BRPF3: variants seen among roughly 807,000 people sequenced by gnomAD.
BRPF3 encodes the protein bromodomain and PHD finger containing 3, also known as bromodomain and PHD finger-containing protein 3.
Under a neutral mutation model 102.0 loss-of-function variants are expected in BRPF3, and 18 were observed. The ratio of observed to expected loss-of-function variants is 0.18; its 90% CI spans 0.12 to 0.26. The LOEUF (loss-of-function observed/expected upper bound fraction) is 0.26. BRPF3 is among the 10% of genes least tolerant of loss of function. The pLI is 1.00. For missense variants in BRPF3, 1,147 were observed against 1,567.8 expected, an observed-to-expected ratio of 0.73 and a Z score of 4.53; for synonymous variants, 570 against 614.2, an observed-to-expected ratio of 0.93 and a Z score of 1.06.
Position 36,210,607 on chromosome 6 carries a change from G to T in BRPF3, c.2179+79G>T. On this transcript the variant is annotated intron_variant, in intron 6 of 12. Coordinates refer to ENST00000357641, the MANE Select transcript of BRPF3 (RefSeq NM_015695.3). This position sits in a 1 kb window ranked among gnomAD's most constrained non-coding sequence, Gnocchi z 4.7. ...AGAGTCTACAGAGTGAGGGATCAGGGTGGTCCTTGGGGCTATAGGTAGACT... is the reference window on the plus strand; with the variant it reads ...AGAGTCTACAGAGTGAGGGATCAGGTTGGTCCTTGGGGCTATAGGTAGACT... 7.1e-7 allele frequency: 1 copy of T among 1,399,846 alleles called. No homozygotes were observed. Among genetic ancestry groups the T allele is most frequent in the Non-Finnish European group, 9.6e-7 (1 of 1,041,606 alleles). 86.7% of individuals were successfully genotyped at this position (1,399,846 alleles called of 1,614,324 possible).
In BRPF3 at chr6:36,230,776, C is replaced by G; in HGVS notation, c.*167C>G. 2.3e-6 allele frequency: 2 copies of G among 854,520 alleles called. No individual in the cohort carries two copies. The highest frequency in any genetic ancestry group is 3.5e-6 in the Non-Finnish European group (2 of 565,164). 52.9% of individuals were successfully genotyped at this position (854,520 alleles called of 1,614,324 possible). A position where few individuals can be genotyped will look rare whatever the true frequency, so the allele number is the denominator to read the frequency against. ...GCAAGGCCCCAGTTTTGACCAATCG[C>G]ATGGTTCTCCTGGCAGGCCTGCTGT... is the stretch of plus-strand genomic sequence containing the variant. On this transcript the variant is annotated 3_prime_UTR_variant, in exon 13 of 13. Coordinates refer to ENST00000357641, the MANE Select transcript of BRPF3 (RefSeq NM_015695.3). This position sits in a 1 kb window ranked among gnomAD's most constrained non-coding sequence, Gnocchi z 5.4.
At chr6:36,213,758 G>C in intron 7 of BRPF3, 122 bp from the exon 8 acceptor site, 1 of 962,914 alleles carries the variant, frequency 1.0e-6, no homozygotes, top group East Asian at 2.4e-5. Context: ...CTAAGACCTT[G>C]AATGCATCTC....
intron 10 of BRPF3, among the ~76,000 whole-genome samples, chr6:36,224,065 A>T (rs1479842632): frequency 6.6e-6 from 1 of 152,200 alleles, no homozygotes; most frequent in Non-Finnish European, 1.5e-5. Flanking sequence ...ATACATTTTT[A>T]AAAATTACAA....
At chr6:36,229,078 G>T in intron 12 of BRPF3, 22 bp downstream of exon 12, 1 of 1,610,956 alleles carries the variant, frequency 6.2e-7, no homozygotes, top group Non-Finnish European at 8.5e-7. Flanking sequence ...CTGCTGTGAG[G>T]GGGCTGAGGG....
chr6:36,209,915 G>A lies in BRPF3; in HGVS notation c.1866G>A (p.Glu622=), dbSNP rs368290731. ...TCGCAGAACCAGTCAACTTGAGTGA[G>A]GCAAGTTCCCCCTACTTTCCAAGTA... ...HIFAEPVNLS[E]VPDYLEFISK... The change falls in exon 5 of 13, where the codon GAG becomes GAA. Residue 622 remains glutamate (E), a splice_region_variant and synonymous_variant. Transcript: ENST00000357641. 2.5e-6 allele frequency: 4 copies of A among 1,613,814 alleles called. No individual in the cohort carries two copies. The highest frequency in any genetic ancestry group is 3.4e-6 in the Non-Finnish European group (4 of 1,179,910).
Position 36,200,847 on chromosome 6 carries a change from G to A in BRPF3, c.525G>A (p.Gly175=), listed in dbSNP as rs1270811057. The A allele has an allele frequency of 1.9e-6, 3 of 1,614,186 alleles. No homozygotes were observed. Among genetic ancestry groups the A allele is most frequent in the African/African-American group, 2.7e-5 (2 of 75,030 alleles). The change falls in exon 2 of 13, where the codon GGG becomes GGA. Residue 175 remains glycine, a synonymous_variant. Transcript: ENST00000357641. The surrounding 1 kb of genome is among the most constrained non-coding windows in gnomAD (Gnocchi z 5.3). ...DMVNEKRRVD[G]HSLVSADTFE... is the part of the protein sequence containing the mutation. ...TGAATGAAAAACGGCGAGTAGATGG[G>A]CACAGTTTGGTGTCTGCAGATACCT...
intron 10 of BRPF3, among the ~76,000 whole-genome samples, chr6:36,223,249 A>G (rs548552094): frequency 6.6e-6 from 1 of 152,102 alleles, no homozygotes; most frequent in African/African-American, 2.4e-5. Context: ...CAACTGCTTT[A>G]TTTTCCCTTA....
chr6:36,204,790 G>T lies in BRPF3; in HGVS notation c.1581G>T (p.Leu527=). The T allele has an allele frequency of 6.2e-7, 1 of 1,614,184 alleles. No individual in the cohort carries two copies. The highest frequency in any genetic ancestry group is 8.5e-7 in the Non-Finnish European group (1 of 1,180,008). ...VPLIRRLHSH[L]QSQRNAEQRE... ...TTATCCGGCGCTTGCACTCCCATCT[G>T]CAGTCCCAAAGAAACGCTGAGCAGG... Residue 527 remains leucine, a synonymous_variant, in exon 3 of 13, where the codon CTG becomes CTT. Transcript: ENST00000357641.
chr6:36,201,500 C>G lies in BRPF3; in HGVS notation c.1178C>G (p.Thr393Ser), dbSNP rs571016734. 43 of 1,614,164 alleles carry G rather than the reference C, an allele frequency of 2.7e-5. 1 individual carries two copies. The South Asian group carries it at 4.6e-4, about 17-fold the overall frequency. ...GCCCACTCGCCACCAGGTGCGGCCA[C>G]TGCTAGGAGGAAGGGCGACTCCCCT... is the stretch of plus-strand genomic sequence containing the variant. ...CEAHSPPGAA[T>S]ARRKGDSPRS... is the part of the protein sequence containing the mutation. Residue 393 changes from threonine to serine, a missense_variant, in exon 2 of 13, where the codon ACT becomes AGT. By Grantham distance (58) the Thr-to-Ser change is moderately conservative (BLOSUM62 1). Coordinates refer to ENST00000357641, the MANE Select transcript of BRPF3 (RefSeq NM_015695.3). The surrounding 1 kb of genome is among the most constrained non-coding windows in gnomAD (Gnocchi z 5.1).
At chr6:36,211,810 C>G (rs971183973) in intron 7 of BRPF3, among the ~76,000 whole-genome samples, 2 of 152,164 alleles carry the variant, frequency 1.3e-5, no homozygotes, top group African/African-American at 4.8e-5. Context: ...CTCCCAAAGG[C>G]CCCTGTTGTG....
intron 9 of BRPF3, among the ~76,000 whole-genome samples, chr6:36,219,241 C>G (rs1006245206): frequency 2.6e-5 from 4 of 152,134 alleles, no homozygotes; most frequent in African/African-American, 4.8e-5. Context: ...TGTGGTTTCT[C>G]TGAGATTCCC....
At position 36,213,853 on chromosome 6, in the gene BRPF3, C is replaced by G. The variant is rs373028130; in HGVS notation, c.2483-27C>G. The G allele has an allele frequency of 2.2e-5, 34 of 1,559,058 alleles. No homozygotes were observed. The African/African-American group carries it at 3.6e-4, about 16-fold the overall frequency. On this transcript the variant is annotated intron_variant, in intron 7 of 12. Coordinates refer to ENST00000357641, the MANE Select transcript of BRPF3 (RefSeq NM_015695.3). ...AGGAGCAGACTCTTTCTAAAATGTTCAAGCAGATTCTCTTTTTTTCTAATA... is the reference window on the plus strand; with the variant it reads ...AGGAGCAGACTCTTTCTAAAATGTTGAAGCAGATTCTCTTTTTTTCTAATA...
intron 9 of BRPF3, among the ~76,000 whole-genome samples, chr6:36,218,444 A>G (rs1480901640): frequency 4.7e-5 from 7 of 149,620 alleles, no homozygotes; most frequent in African/African-American, 1.7e-4. Flanking sequence ...ATGACCAAGT[A>G]GGAAATTTGG....
At chr6:36,229,080 G>C in intron 12 of BRPF3, 24 bp downstream of exon 12, 1 of 1,610,856 alleles carries the variant, frequency 6.2e-7, no homozygotes, top group Non-Finnish European at 8.5e-7. Context: ...GCTGTGAGGG[G>C]GCTGAGGGGC....
chr6:36,211,942 A>G (rs374925209), intron 7 of BRPF3, among the ~76,000 whole-genome samples: 1 of 152,172 alleles, frequency 6.6e-6, no homozygotes. Flanking sequence ...CCAGTTAAAT[A>G]TCAGCCTACC....
chr6:36,211,539 C>A lies in BRPF3; in HGVS notation c.2461C>A (p.Pro821Thr). ...GCTGGAGCAGGCCTTGCAGGAGGAG[C>A]CAGAAGACGATGGGGACAGAGGTGA... The part of the protein sequence containing the change: ...AVLEQALQEE[P>T]EDDGDRDDSK... Residue 821 changes from proline to threonine, a missense_variant, in exon 7 of 13, where the codon CCA (proline) becomes ACA (threonine). This residue lies in a region of BRPF3 where 379 missense variants were observed against 426.3 expected (regional missense o/e 0.89). Coordinates refer to ENST00000357641, the MANE Select transcript of BRPF3 (RefSeq NM_015695.3). 1 of 1,554,584 alleles carries A rather than the reference C, an allele frequency of 6.4e-7. No individual in the cohort carries two copies. The highest frequency in any genetic ancestry group is 1.4e-5 in the African/African-American group (1 of 73,262).
At chr6:36,207,467 A>G in intron 4 of BRPF3, 23 bp downstream of exon 4, 1 of 1,612,648 alleles carries the variant, frequency 6.2e-7, no homozygotes, top group Non-Finnish European at 8.5e-7. Context: ...CCCCAGCCCT[A>G]GGGCCCTAGT....
In BRPF3 at chr6:36,201,177, G is replaced by A. The variant is rs78763982; in HGVS notation, c.855G>A (p.Gly285=). The A allele has an allele frequency of 1.4e-3, 2,298 of 1,614,130 alleles. 31 individuals carry two copies. The African/African-American group carries it at 0.027, about 19-fold the overall frequency. ...KGGAFKQTSD[G]HWAHVVCAIW... ...GCGCCTTCAAACAGACCAGTGATGGGCACTGGGCCCATGTGGTGTGTGCCA... is the reference window on the plus strand; with the variant it reads ...GCGCCTTCAAACAGACCAGTGATGGACACTGGGCCCATGTGGTGTGTGCCA... The change falls in exon 2 of 13, where the codon GGG becomes GGA. Residue 285 remains glycine (G), a synonymous_variant. Coordinates refer to ENST00000357641, the MANE Select transcript of BRPF3 (RefSeq NM_015695.3). The surrounding 1 kb of genome is among the most constrained non-coding windows in gnomAD (Gnocchi z 5.1).
At chr6:36,222,353 C>G in intron 10 of BRPF3, 88 bp downstream of exon 10, 1 of 1,236,356 alleles carries the variant, frequency 8.1e-7, no homozygotes, top group Non-Finnish European at 1.2e-6. Flanking sequence ...GGGCTCCGTA[C>G]CAGGCAGCCA....
Sources: allele counts gnomAD v4.1 joint callset (sites outside exome capture counted in the v4.1 genomes callset), GRCh38; gene constraint gnomAD v4.1.1; regional missense constraint gnomAD v4.1.1; non-coding constraint Gnocchi (gnomAD v3.1); transcripts MANE v1.5; gene names NCBI Gene and HGNC (gene_info 2026-07-23, HGNC 2026-07-21).